The following RBFOX1 variants were observed in gnomAD, a reference collection of about 807,000 sequenced individuals.
RBFOX1 encodes the protein RNA binding fox-1 homolog 1, also known as RNA binding protein fox-1 homolog 1.
Under a neutral mutation model 57.7 loss-of-function variants are expected in RBFOX1, and 8 were observed. The ratio of observed to expected loss-of-function variants is 0.14; its 90% CI spans 0.08 to 0.25. The LOEUF (loss-of-function observed/expected upper bound fraction) is 0.25, where lower values mean the gene tolerates loss of function less well. Among genes scored for constraint, RBFOX1 ranks in the 10% least tolerant of loss-of-function variants. RBFOX1 has a pLI of 1.00. For synonymous variants in RBFOX1, 326 were observed against 222.4 expected (o/e 1.47, Z -4.15); for missense variants, 611 against 548.5 (o/e 1.11, Z -1.14).
At chr16:6,878,564 A>G (rs1492380) in intron 3 of RBFOX1, among the ~76,000 whole-genome samples, 1 of 152,038 alleles carries the variant, frequency 6.6e-6, no homozygotes, top group East Asian at 1.9e-4. Flanking sequence ...CCACAGCATC[A>G]CATGGCGCAT....
chr16:5,412,407 A>G (rs1018451176), intron 1 of RBFOX1, among the ~76,000 whole-genome samples: 3 of 152,218 alleles, frequency 2.0e-5, no homozygotes, highest in Admixed American at 1.3e-4. Context: ...TTATTCTGAT[A>G]TGATTATGGG....
At chr16:6,774,485 A>G (rs953383253) in intron 3 of RBFOX1, among the ~76,000 whole-genome samples, 7 of 152,200 alleles carry the variant, frequency 4.6e-5, no homozygotes, top group African/African-American at 1.7e-4. Flanking sequence ...TGTCTCTGCT[A>G]CCAAGCATGA....
chr16:5,401,793 T>TCCTCCTC lies in RBFOX1; in HGVS notation c.220-65422_220-65421insCTCCTCC, dbSNP rs200917305. ...CTCCTCCTCCTCCTCCTCCTCCTCC[T>TCCTCCTC]CTTTCTCCTCCTCCTTCTCCTTCTC... On this transcript the variant is annotated intron_variant, in intron 1 of 2. Transcript: ENST00000585867. 1.2e-3 allele frequency among the ~76,000 whole-genome samples: 173 copies of TCCTCCTC among 149,050 alleles called. 2 individuals are homozygous for TCCTCCTC. Among genetic ancestry groups the TCCTCCTC allele is most frequent in the African/African-American group, 1.3e-3 (52 of 40,374 alleles).
chr16:7,510,422 G>T (rs1034987), intron 4 of RBFOX1: 2 of 845,776 alleles, frequency 2.4e-6, no homozygotes, highest in Non-Finnish European at 2.8e-6. Context: ...GTAGCTTGCT[G>T]CTTGAATCAT....
At chr16:7,382,376 A>T (rs928305644) in intron 4 of RBFOX1, among the ~76,000 whole-genome samples, 1 of 152,192 alleles carries the variant, frequency 6.6e-6, no homozygotes, top group Non-Finnish European at 1.5e-5. Flanking sequence ...GCTGCTCTGG[A>T]ATGTATATTT....
At chr16:5,975,594 T>A (rs1596327837) in intron 4 of RBFOX1, among the ~76,000 whole-genome samples, 1 of 152,338 alleles carries the variant, frequency 6.6e-6, no homozygotes, top group African/African-American at 2.4e-5. Context: ...AGTGTATTCA[T>A]CTTTCCTGTG....
intron 4 of RBFOX1, among the ~76,000 whole-genome samples, chr16:7,081,185 C>G (rs181458052): frequency 2.6e-5 from 4 of 152,316 alleles, no homozygotes; most frequent in South Asian, 2.1e-4. Flanking sequence ...CAGGTGCACA[C>G]CACCACACCC....
chr16:6,750,714 A>T (rs146937772), intron 3 of RBFOX1, among the ~76,000 whole-genome samples: 3 of 152,320 alleles, frequency 2.0e-5, no homozygotes, highest in African/African-American at 7.2e-5. Context: ...TTCGTCATTT[A>T]TTGCTAATGT....
At chr16:6,203,317 G>C (rs994896889) in intron 1 of RBFOX1, among the ~76,000 whole-genome samples, 6 of 152,122 alleles carry the variant, frequency 3.9e-5, no homozygotes, top group Non-Finnish European at 8.8e-5. Flanking sequence ...GATGATTTCA[G>C]ATTCCTCCTA....
intron 2 of RBFOX1, among the ~76,000 whole-genome samples, chr16:6,399,708 C>T (rs1370230996): frequency 6.6e-6 from 1 of 152,036 alleles, no homozygotes; most frequent in South Asian, 2.1e-4. Context: ...ACCTCAATAA[C>T]AGCTTATGTA....
chr16:6,113,592 G>C (rs1200684272), intron 1 of RBFOX1, among the ~76,000 whole-genome samples: 2 of 152,292 alleles, frequency 1.3e-5, no homozygotes, highest in East Asian at 3.9e-4. Context: ...CTCCGCATTT[G>C]TTGATATTGA....
At chr16:7,195,556 T>C (rs1461075941) in intron 4 of RBFOX1, among the ~76,000 whole-genome samples, 1 of 152,154 alleles carries the variant, frequency 6.6e-6, no homozygotes, top group African/African-American at 2.4e-5. Context: ...TGTATTTATT[T>C]ATTTGTTTGT....
intron 3 of RBFOX1, among the ~76,000 whole-genome samples, chr16:6,889,071 A>T (rs2064818984): frequency 6.6e-6 from 1 of 152,164 alleles, no homozygotes; most frequent in Admixed American, 6.5e-5. Flanking sequence ...TCCCTTATAG[A>T]CACGGGTTGG....
chr16:7,264,651 C>T (rs868189418), intron 4 of RBFOX1, among the ~76,000 whole-genome samples: 1 of 152,242 alleles, frequency 6.6e-6, no homozygotes, highest in African/African-American at 2.4e-5. Flanking sequence ...ATTTGCATTT[C>T]ATGTAATTTT....
At chr16:5,817,998 T>G (rs1032885740) in intron 3 of RBFOX1, among the ~76,000 whole-genome samples, 15 of 152,164 alleles carry the variant, frequency 9.9e-5, no homozygotes, top group Non-Finnish European at 8.8e-5. Context: ...CCAGGTCTTG[T>G]GGGCTGTATT....
rs2152753638 is a variant in RBFOX1, at chr16:7,206,387, T to C, written c.27+154289T>C. Among the ~76,000 whole-genome samples, 2 of 151,952 alleles carry C rather than the reference T, an allele frequency of 1.3e-5. 1 individual carries two copies. The highest frequency in any genetic ancestry group is 2.9e-5 in the Non-Finnish European group (2 of 67,984). On this transcript the variant is annotated intron_variant, in intron 4 of 15. Transcript: ENST00000550418. ...CCCCTTATAAATACACTACATGCAT[T>C]TTTAGCAATTAGAATATTTACTTAC...
chr16:7,411,751 A>T, intron 4 of RBFOX1, among the ~76,000 whole-genome samples: 1 of 152,184 alleles, frequency 6.6e-6, no homozygotes, highest in East Asian at 1.9e-4. Context: ...TAAAATGCAA[A>T]AATTAGCTGG....
intron 2 of RBFOX1, among the ~76,000 whole-genome samples, chr16:6,631,385 A>G (rs560139094): frequency 1.7e-4 from 26 of 152,150 alleles, no homozygotes; most frequent in Non-Finnish European, 8.8e-5. Context: ...ATTTTTTAGA[A>G]AACACTTTTT....
chr16:6,022,254 GTT>G (rs35357946), intron 1 of RBFOX1, among the ~76,000 whole-genome samples: 3,398 of 149,284 alleles, frequency 0.023, 95 homozygotes, highest in African/African-American at 0.062. Flanking sequence ...TAGCAAATCT[GTT>G]TTTTTTTTTT....
Sources: gnomAD v4.1 joint callset for allele counts (sites outside exome capture counted in the v4.1 genomes callset) on GRCh38, gnomAD v4.1.1 for gene constraint, MANE v1.5 for transcripts, NCBI Gene and HGNC (gene_info 2026-07-23, HGNC 2026-07-21) for gene names.